The following CDC42SE2 variants were observed in gnomAD, a reference collection of about 807,000 sequenced individuals.
The protein encoded by CDC42SE2 is CDC42 small effector protein 2.
A neutral mutation model predicts 11.5 loss-of-function variants in CDC42SE2; 3 were observed. The ratio of observed to expected loss-of-function variants is 0.26; its 90% CI spans 0.12 to 0.67. The LOEUF (loss-of-function observed/expected upper bound fraction) is 0.67. Ranked by LOEUF, CDC42SE2 falls within the 30% of genes least tolerant of loss-of-function variation. The probability of loss-of-function intolerance (pLI) is 0.80; values close to 1 mark genes in which losing one functional copy is unlikely to be tolerated. For synonymous variants in CDC42SE2, 33 were observed against 34.8 expected, an observed-to-expected ratio of 0.95 and a Z score of 0.18; for missense variants, 82 against 106.8, an observed-to-expected ratio of 0.77 and a Z score of 1.02.
At chr5:131,349,312 G>A (rs570952874) in intron 2 of CDC42SE2, among the ~76,000 whole-genome samples, 72 of 144,794 alleles carry the variant, frequency 5.0e-4, no homozygotes, top group Non-Finnish European at 8.3e-4. Flanking sequence ...CTTGGACACA[G>A]GGGAACATCA....
intron 2 of CDC42SE2, among the ~76,000 whole-genome samples, chr5:131,351,259 C>CT (rs948092546): frequency 1.6e-4 from 23 of 147,404 alleles, no homozygotes; most frequent in South Asian, 4.3e-4. Flanking sequence ...CCTGATTTTC[C>CT]TTTTTTTTTT....
chr5:131,296,247 G>A (rs989195604), intron 1 of CDC42SE2, among the ~76,000 whole-genome samples: 1 of 152,162 alleles, frequency 6.6e-6, no homozygotes, highest in African/African-American at 2.4e-5. Context: ...TTTTGATTGG[G>A]TAATGGATTA....
At chr5:131,273,682 A>C (rs933302479) in intron 1 of CDC42SE2, among the ~76,000 whole-genome samples, 1 of 150,910 alleles carries the variant, frequency 6.6e-6, no homozygotes, top group Non-Finnish European at 1.5e-5. Flanking sequence ...CTGAGGCAGG[A>C]GAATGGTGTG....
chr5:131,334,503 T>TC (rs1758505598), intron 2 of CDC42SE2, among the ~76,000 whole-genome samples: 1 of 152,204 alleles, frequency 6.6e-6, no homozygotes, highest in South Asian at 2.1e-4. Context: ...GAGGATTCCC[T>TC]CTTTTTCTAT....
At chr5:131,357,789 C>T (rs1050526043) in intron 2 of CDC42SE2, among the ~76,000 whole-genome samples, 2 of 152,210 alleles carry the variant, frequency 1.3e-5, no homozygotes, top group African/African-American at 4.8e-5. Flanking sequence ...CACTTGTTGA[C>T]TCTGCTGCTT....
intron 1 of CDC42SE2, among the ~76,000 whole-genome samples, chr5:131,270,292 A>G (rs1756966460): frequency 6.7e-6 from 1 of 149,612 alleles, no homozygotes; most frequent in Admixed American, 6.7e-5. Flanking sequence ...GGAGAATGGC[A>G]TGGACCCGGG....
At chr5:131,350,809 AAG>A (rs1228184154) in intron 2 of CDC42SE2, among the ~76,000 whole-genome samples, 1 of 152,142 alleles carries the variant, frequency 6.6e-6, no homozygotes, top group Admixed American at 6.6e-5. Flanking sequence ...AATTTTGAAA[AAG>A]AGTATAATTG....
chr5:131,372,681 C>T (rs1278092919), intron 3 of CDC42SE2, among the ~76,000 whole-genome samples: 3 of 151,828 alleles, frequency 2.0e-5, no homozygotes, highest in Non-Finnish European at 4.4e-5. Flanking sequence ...CCACTGCACT[C>T]CTGCCTGGGT....
chr5:131,388,001 G>GTAAC (rs1406660091), intron 4 of CDC42SE2, among the ~76,000 whole-genome samples: 1 of 152,010 alleles, frequency 6.6e-6, no homozygotes, highest in Non-Finnish European at 1.5e-5. Flanking sequence ...TGTTCAATTA[G>GTAAC]TAACTTTTTT....
At chr5:131,227,605 T>C in the CDC42SE2 span, among the ~76,000 whole-genome samples, 542 of 152,398 alleles carry the variant, frequency 3.6e-3, 12 homozygotes, top group East Asian at 0.02. Flanking sequence ...TTGACACATT[T>C]AATCATCCTT....
chr5:131,351,775 G>T (rs1006054313), intron 2 of CDC42SE2, among the ~76,000 whole-genome samples: 6 of 152,114 alleles, frequency 3.9e-5, no homozygotes, highest in Non-Finnish European at 8.8e-5. Flanking sequence ...ATATGTGAAA[G>T]AATTTTTAGA....
intron 1 of CDC42SE2, among the ~76,000 whole-genome samples, chr5:131,277,611 A>C (rs1028575635): frequency 5.3e-5 from 8 of 152,174 alleles, no homozygotes; most frequent in Non-Finnish European, 1.0e-4. Context: ...CACTCTGGCC[A>C]AGTTAGTCTG....
intron 1 of CDC42SE2, among the ~76,000 whole-genome samples, chr5:131,246,704 T>C (rs1004602229): frequency 6.6e-6 from 1 of 152,070 alleles, no homozygotes; most frequent in African/African-American, 2.4e-5. Flanking sequence ...GGACACCAAT[T>C]ATGCATATGT....
At chr5:131,305,756 A>G (rs1181677381) in intron 1 of CDC42SE2, among the ~76,000 whole-genome samples, 3 of 152,044 alleles carry the variant, frequency 2.0e-5, no homozygotes, top group Non-Finnish European at 4.4e-5. Context: ...TTTTTAGTTG[A>G]TGCAGTCCTG....
rs147400210 is a variant in CDC42SE2, at chr5:131,248,929, C to G, written n.107+3330C>G. Among the ~76,000 whole-genome samples the G allele has an allele frequency of 3.3e-3, 501 of 149,680 alleles. 5 individuals carry two copies. Among genetic ancestry groups the G allele is most frequent in the African/African-American group, 0.012 (491 of 40,788 alleles). On this transcript the variant is annotated intron_variant and non_coding_transcript_variant, in intron 1 of 3. Coordinates refer to the CDC42SE2 transcript ENST00000502840. ...AATGTAATTCCAATTAAAATTCCTA[C>G]AAGAGCTTTAATGGAACTTGATAAG...
At chr5:131,256,115 C>T (rs1198071315) in intron 2 of CDC42SE2, among the ~76,000 whole-genome samples, 1 of 152,194 alleles carries the variant, frequency 6.6e-6, no homozygotes, top group Non-Finnish European at 1.5e-5. Flanking sequence ...CTATTACCAC[C>T]CACAAATGAG....
chr5:131,343,204 G>T (rs1048391133), intron 2 of CDC42SE2, among the ~76,000 whole-genome samples: 7 of 151,944 alleles, frequency 4.6e-5, no homozygotes, highest in African/African-American at 1.7e-4. Flanking sequence ...GTATATACAA[G>T]TTTGCCTATA....
In CDC42SE2 at chr5:131,268,557, A is replaced by G. The variant is rs548655990; in HGVS notation, c.-455+4391A>G. ...AACCTCCACCTCCCCGGTTCAAACA[A>G]TTCTCCTGCCTCAGCCTCCCGAGTA... is the stretch of plus-strand genomic sequence containing the variant. On this transcript the variant is annotated intron_variant, in intron 1 of 4. Coordinates refer to ENST00000505065, the MANE Select transcript of CDC42SE2 (RefSeq NM_001375635.1). 3.3e-5 allele frequency among the ~76,000 whole-genome samples: 5 copies of G among 151,644 alleles called. No individual in the cohort carries two copies. The South Asian group carries it at 6.2e-4, about 19-fold the overall frequency.
intron 2 of CDC42SE2, among the ~76,000 whole-genome samples, chr5:131,344,074 C>T (rs1758776439): frequency 6.6e-6 from 1 of 152,166 alleles, no homozygotes; most frequent in South Asian, 2.1e-4. Context: ...GTAGGAACAG[C>T]TCCAGTCTGC....
Sources: gnomAD v4.1 joint callset for allele counts (sites outside exome capture counted in the v4.1 genomes callset) on GRCh38, gnomAD v4.1.1 for gene constraint, MANE v1.5 for transcripts, NCBI Gene and HGNC (gene_info 2026-07-23, HGNC 2026-07-21) for gene names.